GABRG1: variants seen among roughly 807,000 people sequenced by gnomAD.
GABRG1 encodes gamma-aminobutyric acid type A receptor subunit gamma1, also known as gamma-aminobutyric acid receptor subunit gamma-1.
Under a neutral mutation model 49.8 loss-of-function variants are expected in GABRG1, and 49 were observed. The ratio of observed to expected loss-of-function variants is 0.98; its 90% CI spans 0.78 to 1.25. The LOEUF (loss-of-function observed/expected upper bound fraction) is 1.25. Among genes scored for constraint, GABRG1 ranks in the 50% most tolerant of loss-of-function variants. The pLI is 0.00. For missense variants in GABRG1, 552 were observed against 552.3 expected (o/e 1.00, Z 0.01); for synonymous variants, 232 against 185.1 (o/e 1.25, Z -2.06).
At chr4:46,086,564 A>C (rs1446898458) in intron 2 of GABRG1, among the ~76,000 whole-genome samples, 2 of 151,608 alleles carry the variant, frequency 1.3e-5, no homozygotes, top group Non-Finnish European at 3.0e-5. Context: ...AGAGTTTTAT[A>C]GACTTTTCTT....
chr4:46,061,820 T>C (rs1164795183), intron 5 of GABRG1, among the ~76,000 whole-genome samples: 1 of 151,354 alleles, frequency 6.6e-6, no homozygotes, highest in Non-Finnish European at 1.5e-5. Flanking sequence ...TTACATTTTT[T>C]TTTTTTTGGT....
intron 7 of GABRG1, among the ~76,000 whole-genome samples, chr4:46,057,786 T>C (rs765037603): frequency 2.0e-5 from 3 of 152,082 alleles, no homozygotes; most frequent in Non-Finnish European, 4.4e-5. Context: ...TCATTAGCAA[T>C]GTTATAAAAG....
Position 46,097,252 on chromosome 4 carries a change from G to C in GABRG1, c.202C>G (p.Leu68Val). The C allele has an allele frequency of 5.6e-6, 9 of 1,610,900 alleles. No individual in the cohort carries two copies. Among genetic ancestry groups the C allele is most frequent in the Non-Finnish European group, 7.6e-6 (9 of 1,178,070 alleles). ...TCATAGCCTTGAAGCAATGAATTCAGAATTTGTGTGATATCTCCTTCATGA... is the reference window on the plus strand; with the variant it reads ...TCATAGCCTTGAAGCAATGAATTCACAATTTGTGTGATATCTCCTTCATGA... ...KIHEGDITQILNSLLQGYDNK... is the reference protein window; with the variant it reads ...KIHEGDITQIVNSLLQGYDNK... Residue 68 changes from leucine to valine, a missense_variant, in exon 2 of 9, where the codon CTG becomes GTG. Transcript: ENST00000295452.
Position 46,097,270 on chromosome 4 carries a change from C to T in GABRG1, c.184G>A (p.Gly62Arg), listed in dbSNP as rs1464549182. 3 of 1,611,010 alleles carry T rather than the reference C, an allele frequency of 1.9e-6. No homozygotes were observed. Among genetic ancestry groups the T allele is most frequent in the Admixed American group, 1.7e-5 (1 of 59,758 alleles). Residue 62 changes from glycine to arginine, a missense_variant, in exon 2 of 9, where the codon GGA becomes AGA. By Grantham distance (125) the Gly-to-Arg change is moderately radical (BLOSUM62 -2). Transcript: ENST00000295452. ...TWVLAPKIHE[G>R]DITQILNSLL... The stretch of plus-strand genomic sequence containing the variant: ...GAATTCAGAATTTGTGTGATATCTC[C>T]TTCATGAATTTTTGGGGCCAAGACC...
At chr4:46,123,695 A>G (rs1577676971) in intron 1 of GABRG1, 115 bp downstream of exon 1, 3 of 682,136 alleles carry the variant, frequency 4.4e-6, no homozygotes, top group East Asian at 5.4e-5. Context: ...AATACCACAT[A>G]TGTGTTAGGA....
chr4:46,049,499 G>A (rs1011474497), intron 8 of GABRG1, among the ~76,000 whole-genome samples: 1 of 151,960 alleles, frequency 6.6e-6, no homozygotes, highest in East Asian at 1.9e-4. Flanking sequence ...TGGTACTCAA[G>A]TAGTCAATTA....
At chr4:46,112,254 C>T (rs554777382) in intron 1 of GABRG1, among the ~76,000 whole-genome samples, 17 of 151,276 alleles carry the variant, frequency 1.1e-4, no homozygotes, top group South Asian at 6.2e-4. Context: ...CACCTCTAAA[C>T]GTCAGAGAAA....
intron 3 of GABRG1, among the ~76,000 whole-genome samples, chr4:46,080,815 A>T (rs1190593546): frequency 2.0e-5 from 3 of 151,868 alleles, no homozygotes; most frequent in East Asian, 1.9e-4. Flanking sequence ...CATATGCTCA[A>T]ACAGGCTTCT....
chr4:46,117,576 C>CGCTG (rs1560376903), intron 1 of GABRG1, among the ~76,000 whole-genome samples: 1 of 141,516 alleles, frequency 7.1e-6, no homozygotes, highest in African/African-American at 2.8e-5. Context: ...CTCTCTCTCT[C>CGCTG]TCTCTGTCTC....
rs77162723 is a variant in GABRG1 at position 46,073,465 on chromosome 4, T to G, written c.322-7881A>C. Reference sequence around the variant, plus strand: ...TTTATATTTTGACAATTAGTAGTTTTGGTCACTTATTTCATACTTACCTTT... The same window carrying G: ...TTTATATTTTGACAATTAGTAGTTTGGGTCACTTATTTCATACTTACCTTT... On this transcript the variant is annotated intron_variant, in intron 3 of 8. Transcript: ENST00000295452. 5.7e-3 allele frequency among the ~76,000 whole-genome samples: 861 copies of G among 152,236 alleles called. 9 individuals carry two copies. Among genetic ancestry groups the G allele is most frequent in the African/African-American group, 0.02 (826 of 41,570 alleles).
At chr4:46,106,926 A>T (rs1274026156) in intron 1 of GABRG1, among the ~76,000 whole-genome samples, 3 of 151,294 alleles carry the variant, frequency 2.0e-5, no homozygotes, top group Non-Finnish European at 4.4e-5. Flanking sequence ...AATTAAAAAA[A>T]TTGTGGGTAC....
At chr4:46,076,359 G>GTT (rs1439901856) in intron 3 of GABRG1, among the ~76,000 whole-genome samples, 30 of 70,532 alleles carry the variant, frequency 4.3e-4, no homozygotes, top group Non-Finnish European at 7.0e-4. Context: ...CTTAGGTCAT[G>GTT]TTCATATATA....
In GABRG1 at chr4:46,124,032, C is replaced by T; in HGVS notation, c.-119G>A. 4.3e-6 allele frequency: 3 copies of T among 703,402 alleles called. No individual in the cohort carries two copies. The highest frequency in any genetic ancestry group is 7.4e-6 in the Non-Finnish European group (3 of 404,200). 43.6% of individuals were successfully genotyped at this position (703,402 alleles called of 1,614,324 possible). ...GAGAGTGTGGAAAGGCAGTGCACCT[C>T]CCAAACAGGTAGGATGCGACTCCCA... On this transcript the variant is annotated 5_prime_UTR_variant, in exon 1 of 9. Transcript: ENST00000295452.
chr4:46,107,977 G>A (rs941779981), intron 1 of GABRG1, among the ~76,000 whole-genome samples: 1 of 150,992 alleles, frequency 6.6e-6, no homozygotes, highest in Non-Finnish European at 1.5e-5. Flanking sequence ...TATGCTAGAG[G>A]ACATATGACA....
chr4:46,064,127 A>G (rs1718817233), intron 5 of GABRG1, among the ~76,000 whole-genome samples: 1 of 152,070 alleles, frequency 6.6e-6, no homozygotes, highest in African/African-American at 2.4e-5. Context: ...TTTCTTGGGG[A>G]CTGTGTAAAA....
chr4:46,068,486 G>T (rs1718996830), intron 3 of GABRG1, among the ~76,000 whole-genome samples: 1 of 151,982 alleles, frequency 6.6e-6, no homozygotes, highest in Non-Finnish European at 1.5e-5. Flanking sequence ...ATCACTGTTG[G>T]AAGACTTATG....
chr4:46,112,771 A>T (rs1386857765), intron 1 of GABRG1, among the ~76,000 whole-genome samples: 1 of 151,054 alleles, frequency 6.6e-6, no homozygotes, highest in Non-Finnish European at 1.5e-5. Flanking sequence ...GGCAATGGGG[A>T]CTATTAGAGA....
intron 8 of GABRG1, among the ~76,000 whole-genome samples, chr4:46,042,905 C>G (rs910044215): frequency 6.6e-6 from 1 of 151,822 alleles, no homozygotes; most frequent in Non-Finnish European, 1.5e-5. Context: ...TCACAAAAAG[C>G]AGAGGCAGTA....
At chr4:46,093,271 A>C (rs1387862011) in intron 2 of GABRG1, among the ~76,000 whole-genome samples, 1 of 151,926 alleles carries the variant, frequency 6.6e-6, no homozygotes. Flanking sequence ...CCATTCACCC[A>C]CAAAAAAAAG....
Sources: gnomAD v4.1 joint callset for allele counts (sites outside exome capture counted in the v4.1 genomes callset) on GRCh38, gnomAD v4.1.1 for gene constraint, MANE v1.5 for transcripts, NCBI Gene and HGNC (gene_info 2026-07-23, HGNC 2026-07-21) for gene names.